Variants in ADGRB3 observed in about 807,000 individuals in gnomAD.
ADGRB3 encodes brain-specific angiogenesis inhibitor 3.
A neutral mutation model predicts 193.4 loss-of-function variants in ADGRB3; 37 were observed. The observed-to-expected ratio is 0.19, with a 90% CI of 0.15 to 0.25. The LOEUF (loss-of-function observed/expected upper bound fraction) is 0.25, where lower values mean the gene tolerates loss of function less well. Ranked by LOEUF, ADGRB3 falls within the 10% of genes least tolerant of loss-of-function variation. ADGRB3 has a pLI of 1.00. For missense variants in ADGRB3, 1,637 were observed against 1,852.9 expected (o/e 0.88, Z 2.14); for synonymous variants, 690 against 644.2 (o/e 1.07, Z -1.08).
intron 3 of ADGRB3, among the ~76,000 whole-genome samples, chr6:68,755,024 C>T (rs1472699743): frequency 2.6e-5 from 4 of 152,152 alleles, no homozygotes; most frequent in Admixed American, 6.6e-5. Flanking sequence ...TTTGTGTTTG[C>T]ATGTGCAACC....
intron 20 of ADGRB3, among the ~76,000 whole-genome samples, chr6:69,287,508 G>GT (rs1377641151): frequency 6.6e-6 from 1 of 152,154 alleles, no homozygotes; most frequent in Non-Finnish European, 1.5e-5. Context: ...GAATCTACAT[G>GT]TAACAGGCAT....
intron 6 of ADGRB3, among the ~76,000 whole-genome samples, chr6:68,954,718 C>G (rs1768022020): frequency 6.8e-6 from 1 of 146,276 alleles, no homozygotes; most frequent in African/African-American, 2.5e-5. Context: ...CTTGCTCTGT[C>G]CCCCAGGCTG....
chr6:69,076,315 T>C (rs988997377), intron 17 of ADGRB3, among the ~76,000 whole-genome samples: 1 of 152,148 alleles, frequency 6.6e-6, no homozygotes, highest in African/African-American at 2.4e-5. Flanking sequence ...TCTGATATTT[T>C]AGAATTGATA....
chr6:69,069,545 T>TA, intron 16 of ADGRB3, among the ~76,000 whole-genome samples: 1 of 5,232 alleles, frequency 1.9e-4, no homozygotes, highest in Non-Finnish European at 3.8e-4. Flanking sequence ...CCGTCTCTAC[T>TA]AAAAATACAA....
chr6:69,178,365 A>C (rs1279925774), intron 17 of ADGRB3, among the ~76,000 whole-genome samples: 1 of 152,156 alleles, frequency 6.6e-6, no homozygotes, highest in Non-Finnish European at 1.5e-5. Flanking sequence ...AAGACAGTAG[A>C]CAAATGGTTC....
At chr6:68,750,614 A>T (rs1766179475) in intron 3 of ADGRB3, among the ~76,000 whole-genome samples, 1 of 152,142 alleles carries the variant, frequency 6.6e-6, no homozygotes. Context: ...CCATTTGCTA[A>T]CTGTTTATTC....
chr6:69,053,223 A>C (rs1158506430), intron 15 of ADGRB3, among the ~76,000 whole-genome samples: 3 of 152,026 alleles, frequency 2.0e-5, no homozygotes, highest in African/African-American at 7.2e-5. Context: ...TAATGCTGTA[A>C]GGTCTTTTAG....
chr6:68,685,633 C>T (rs1764968669), intron 3 of ADGRB3, among the ~76,000 whole-genome samples: 1 of 151,860 alleles, frequency 6.6e-6, no homozygotes, highest in African/African-American at 2.4e-5. Context: ...TAAAAATATA[C>T]TTTGGGAGGC....
intron 16 of ADGRB3, among the ~76,000 whole-genome samples, chr6:69,067,023 A>G (rs1771929806): frequency 6.6e-6 from 1 of 152,124 alleles, no homozygotes; most frequent in Admixed American, 6.6e-5. Context: ...GGTAAAATGC[A>G]TTTTAGTTAT....
At chr6:69,013,957 C>A in intron 11 of ADGRB3, 81 bp from the exon 12 acceptor site, 2 of 866,184 alleles carry the variant, frequency 2.3e-6, no homozygotes, top group Non-Finnish European at 3.5e-6. Flanking sequence ...ACCTTTACCA[C>A]GTAGTCAACC....
At chr6:69,309,380 G>A (rs75999877) in intron 20 of ADGRB3, among the ~76,000 whole-genome samples, 343 of 151,720 alleles carry the variant, frequency 2.3e-3, no homozygotes, top group African/African-American at 7.6e-3. Context: ...CTTATTTGCC[G>A]TAGTCATGCA....
chr6:68,784,338 C>T (rs1419710517), intron 3 of ADGRB3, among the ~76,000 whole-genome samples: 2 of 152,048 alleles, frequency 1.3e-5, no homozygotes, highest in African/African-American at 2.4e-5. Context: ...AGAAGCGATA[C>T]CAGTGTTACT....
At chr6:69,050,113 A>G (rs1272613591) in intron 15 of ADGRB3, among the ~76,000 whole-genome samples, 1 of 152,180 alleles carries the variant, frequency 6.6e-6, no homozygotes, top group Non-Finnish European at 1.5e-5. Flanking sequence ...TTATACCCTC[A>G]TAAATAAAGC....
chr6:69,118,550 G>C (rs1417545697), intron 17 of ADGRB3, among the ~76,000 whole-genome samples: 11 of 151,936 alleles, frequency 7.2e-5, no homozygotes, highest in Non-Finnish European at 7.4e-5. Flanking sequence ...GTATATGATT[G>C]GTGAAGCCTA....
intron 17 of ADGRB3, among the ~76,000 whole-genome samples, chr6:69,185,980 CAGAGCTT>C (rs1765058232): frequency 6.6e-6 from 1 of 151,872 alleles, no homozygotes; most frequent in African/African-American, 2.4e-5. Flanking sequence ...GAAAGAAAAT[CAGAGCTT>C]TAGATTTGAA....
intron 10 of ADGRB3, among the ~76,000 whole-genome samples, chr6:68,982,300 G>A (rs1365131012): frequency 6.6e-6 from 1 of 152,098 alleles, no homozygotes; most frequent in African/African-American, 2.4e-5. Flanking sequence ...AATCATACTG[G>A]CTAATGTATC....
intron 3 of ADGRB3, among the ~76,000 whole-genome samples, chr6:68,900,338 G>A (rs13210533): frequency 0.28 from 42,987 of 151,920 alleles, 6,935 homozygotes; most frequent in Middle Eastern, 0.51. Context: ...AGAAGCACAG[G>A]TCTGTAGAGA....
chr6:68,770,036 T>G (rs551845991), intron 3 of ADGRB3, among the ~76,000 whole-genome samples: 1 of 152,274 alleles, frequency 6.6e-6, no homozygotes, highest in East Asian at 1.9e-4. Context: ...CATTTTCAAC[T>G]GACAACCACT....
chr6:69,031,037 CTCTCTTCTCT>C (rs749578717), intron 13 of ADGRB3, among the ~76,000 whole-genome samples: 2,590 of 36,248 alleles, frequency 0.071, 209 homozygotes, highest in East Asian at 0.19. Context: ...CTCTTCTCTT[CTCTCTTCTCT>C]TCTCTTCTCT....
Sources: allele counts gnomAD v4.1 joint callset (sites outside exome capture counted in the v4.1 genomes callset), GRCh38; gene constraint gnomAD v4.1.1; transcripts MANE v1.5; gene names NCBI Gene and HGNC (gene_info 2026-07-23, HGNC 2026-07-21).